Variants in SSC5D observed in about 807,000 individuals in gnomAD.
SSC5D encodes soluble scavenger receptor cysteine-rich domain-containing protein SSC5D.
SSC5D carries 106 observed loss-of-function variants against 104.6 expected under a neutral mutation model. The observed-to-expected ratio is 1.01, with a 90% CI of 0.87 to 1.19. SSC5D has a LOEUF of 1.19. Among genes scored for constraint, SSC5D ranks in the 50% most tolerant of loss-of-function variants. The pLI is 0.00. For missense variants in SSC5D, 1,993 were observed against 2,153.8 expected, an observed-to-expected ratio of 0.93 and a Z score of 1.48; for synonymous variants, 860 against 883.5, an observed-to-expected ratio of 0.97 and a Z score of 0.47.
rs182899416 is a variant in SSC5D at position 55,496,021 on chromosome 19, G to A, written c.1387+1238G>A. 1.3e-3 allele frequency among the ~76,000 whole-genome samples: 202 copies of A among 151,636 alleles called. 2 individuals carry two copies. Among genetic ancestry groups the A allele is most frequent in the African/African-American group, 4.6e-3 (188 of 41,292 alleles). Reference sequence around the variant, plus strand: ...CTCCCTAAGTGCTGGGATTATAGGCGTGAGCCACCCGGCCAGGTGCAGGGG... The same window carrying A: ...CTCCCTAAGTGCTGGGATTATAGGCATGAGCCACCCGGCCAGGTGCAGGGG... On this transcript the variant is annotated intron_variant, in intron 8 of 13. Coordinates refer to ENST00000389623, the MANE Select transcript of SSC5D (RefSeq NM_001144950.2).
intron 2 of SSC5D, 40 bp downstream of exon 2, chr19:55,489,072 C>CGGGCG: frequency 1.9e-6 from 2 of 1,061,860 alleles, no homozygotes; most frequent in Middle Eastern, 3.1e-4. Flanking sequence ...GCCCCCCCCC[C>CGGGCG]CAGGCCTCCC....
chr19:55,493,916 A>C lies in SSC5D; in HGVS notation c.1213+4A>C, dbSNP rs761740869. 7.8e-7 allele frequency: 1 copy of C among 1,274,266 alleles called. No individual in the cohort carries two copies. Among genetic ancestry groups the C allele is most frequent in the South Asian group, 1.3e-5 (1 of 79,488 alleles). 78.9% of individuals were successfully genotyped at this position (1,274,266 alleles called of 1,614,324 possible). ...GACGCCGGGGCCGTGTGTGACGGTG[A>C]GGGGGTTGTGGTGGAGGACCGGGAG... On this transcript the variant is annotated splice_donor_region_variant and intron_variant, in intron 7 of 13. Coordinates refer to ENST00000389623, the MANE Select transcript of SSC5D (RefSeq NM_001144950.2).
At chr19:55,501,261 G>C in intron 12 of SSC5D, 60 bp downstream of exon 12, 2 of 1,456,420 alleles carry the variant, frequency 1.4e-6, no homozygotes, top group South Asian at 1.5e-5. Flanking sequence ...TCGCTTCCCT[G>C]CAGGGTTTCC....
chr19:55,495,219 A>ATATATATG (rs1376040404), intron 8 of SSC5D, among the ~76,000 whole-genome samples: 35 of 14,894 alleles, frequency 2.3e-3, no homozygotes, highest in African/African-American at 9.5e-3. Context: ...CTCCTTTCAT[A>ATATATATG]TATATATATA....
chr19:55,508,058 C>T (rs1285670252), intron 12 of SSC5D, among the ~76,000 whole-genome samples: 2 of 152,162 alleles, frequency 1.3e-5, no homozygotes, highest in East Asian at 3.9e-4. Flanking sequence ...GGTCGGGGAG[C>T]TCTGTGAGGT....
chr19:55,505,893 C>T (rs1308871338), intron 12 of SSC5D, among the ~76,000 whole-genome samples: 1 of 151,664 alleles, frequency 6.6e-6, no homozygotes, highest in African/African-American at 2.4e-5. Flanking sequence ...TGTGCCACCA[C>T]TCCCGGCTAA....
chr19:55,497,814 T>C, intron 8 of SSC5D, 66 bp from the exon 9 acceptor site: 1 of 1,319,146 alleles, frequency 7.6e-7, no homozygotes, highest in Non-Finnish European at 9.8e-7. Context: ...GAGGGAAAGG[T>C]GGATGAAGAG....
At position 55,500,512 on chromosome 19, in the gene SSC5D, C is replaced by G; in HGVS notation, c.2325C>G (p.Ala775=). ...GESGLFRVRL[A]DGPNRCAGRL... ...CAGGCCTGTTCCGGGTTCGTCTGGC[C>G]GATGGGCCCAACCGCTGTGCTGGCC... Residue 775 remains alanine, a synonymous_variant, in exon 11 of 14, where the codon GCC becomes GCG. Transcript: ENST00000389623. This position sits in a 1 kb window ranked among gnomAD's most constrained non-coding sequence, Gnocchi z 4.6. 1.3e-6 allele frequency: 2 copies of G among 1,551,584 alleles called. No individual in the cohort carries two copies. The highest frequency in any genetic ancestry group is 8.7e-7 in the Non-Finnish European group (1 of 1,146,916).
rs1336528625 is a variant in SSC5D, at chr19:55,489,472, C to T, written c.171C>T (p.Ala57=). The T allele has an allele frequency of 6.8e-7, 1 of 1,473,760 alleles. No individual in the cohort carries two copies. The highest frequency in any genetic ancestry group is 2.6e-5 in the East Asian group (1 of 39,212). 91.3% of individuals were successfully genotyped at this position (1,473,760 alleles called of 1,614,324 possible). Residue 57 remains alanine (A), a synonymous_variant, in exon 3 of 14, where the codon GCC becomes GCT. Transcript: ENST00000389623. ...GGGACCTGCGCGATGCCGCCGTGGCCTGCCGGCAGCTGGGCTGCGGAGGGG... is the reference window on the plus strand; with the variant it reads ...GGGACCTGCGCGATGCCGCCGTGGCTTGCCGGCAGCTGGGCTGCGGAGGGG... ...DGWDLRDAAV[A]CRQLGCGGAL...
rs543662493 is a variant in SSC5D, at chr19:55,498,158, A to G, written c.1666A>G (p.Asn556Asp). 3 of 1,551,712 alleles carry G rather than the reference A, an allele frequency of 1.9e-6. No homozygotes were observed. In the African/African-American group the frequency reaches 4.1e-5, roughly 21 times the overall value. The change falls in exon 9 of 14, where the codon AAC (asparagine) becomes GAC (aspartate). Residue 556 changes from asparagine (N) to aspartate (D), a missense_variant. Physicochemically the swap from Asn to Asp is conservative, Grantham distance 23. Coordinates refer to ENST00000389623, the MANE Select transcript of SSC5D (RefSeq NM_001144950.2). ...CCCTGCTGCTCCCTGGGGAAAGCAC[A>G]ACTGCGCTCACAATGAGGATGTTGG... ...DCPAAPWGKH[N>D]CAHNEDVGVT...
rs529419796 is a variant in SSC5D, at chr19:55,508,862, G to T, written c.2786-4149G>T. Among the ~76,000 whole-genome samples, 8 of 42,946 alleles carry T rather than the reference G, an allele frequency of 1.9e-4. No homozygotes were observed. The South Asian group carries it at 5.5e-3, about 30-fold the overall frequency. The allele number at this position is 42,946 out of a possible 152,430, so 28.2% of individuals were successfully genotyped here. A position where few individuals can be genotyped will look rare whatever the true frequency, so the allele number is the denominator to read the frequency against. ...TGGCCTGTGGACTAACTCCTATACA[G>T]CAGGGATGGCCTCATCCACAGGGGA... On this transcript the variant is annotated intron_variant, in intron 12 of 13. Coordinates refer to ENST00000389623, the MANE Select transcript of SSC5D (RefSeq NM_001144950.2).
At chr19:55,502,259 A>G (rs1357305057) in intron 12 of SSC5D, among the ~76,000 whole-genome samples, 3 of 151,694 alleles carry the variant, frequency 2.0e-5, no homozygotes, top group African/African-American at 7.3e-5. Flanking sequence ...TCTCTGTGCC[A>G]ATCTCTTTTT....
intron 13 of SSC5D, among the ~76,000 whole-genome samples, chr19:55,514,472 G>T (rs1033450132): frequency 6.8e-6 from 1 of 146,118 alleles, no homozygotes; most frequent in Non-Finnish European, 1.5e-5. Flanking sequence ...GTGGTGGCAG[G>T]CGCCTGTAAT....
At chr19:55,491,175 C>G (rs1987134729) in intron 6 of SSC5D, 95 bp downstream of exon 6, 3 of 1,367,486 alleles carry the variant, frequency 2.2e-6, no homozygotes, top group Non-Finnish European at 2.9e-6. Flanking sequence ...GCTCCCAGCT[C>G]TGCCTCCTGC....
chr19:55,493,904 T>TGAC lies in SSC5D; in HGVS notation c.1206_1207insACG (p.Val402_Cys403insThr). 7.2e-7 allele frequency: 1 copy of TGAC among 1,384,118 alleles called. No homozygotes were observed. Among genetic ancestry groups the TGAC allele is most frequent in the Non-Finnish European group, 9.6e-7 (1 of 1,046,718 alleles). The allele number at this position is 1,384,118 out of a possible 1,614,324, so 85.7% of individuals were successfully genotyped here. A position where few individuals can be genotyped will look rare whatever the true frequency, so the allele number is the denominator to read the frequency against. On this transcript the variant is annotated inframe_insertion, in exon 7 of 14. Coordinates refer to ENST00000389623, the MANE Select transcript of SSC5D (RefSeq NM_001144950.2). ...CACCACCGCGAGGACGCCGGGGCCG[T>TGAC]GTGTGACGGTGAGGGGGTTGTGGTG...
At chr19:55,494,347 C>G (rs1039010829) in intron 7 of SSC5D, among the ~76,000 whole-genome samples, 2 of 151,668 alleles carry the variant, frequency 1.3e-5, no homozygotes, top group Non-Finnish European at 2.9e-5. Flanking sequence ...GCCTTCTCCT[C>G]TGCATAAGGT....
In SSC5D at chr19:55,494,791, C is replaced by A; in HGVS notation, c.1387+8C>A. On this transcript the variant is annotated splice_region_variant and intron_variant, in intron 8 of 13. Coordinates refer to ENST00000389623, the MANE Select transcript of SSC5D (RefSeq NM_001144950.2). Reference sequence around the variant, plus strand: ...AGCCTGGACCGGAAGCCGGTGAGTCCCTCCATGCTCCCCAAGAAAACAGGG... The same window carrying A: ...AGCCTGGACCGGAAGCCGGTGAGTCACTCCATGCTCCCCAAGAAAACAGGG... 2 of 1,528,978 alleles carry A rather than the reference C, an allele frequency of 1.3e-6. No individual in the cohort carries two copies. The highest frequency in any genetic ancestry group is 8.8e-7 in the Non-Finnish European group (1 of 1,132,860). The allele number at this position is 1,528,978 out of a possible 1,614,324, so 94.7% of individuals were successfully genotyped here.
At chr19:55,499,486 G>A (rs1291539918) in intron 9 of SSC5D, among the ~76,000 whole-genome samples, 1 of 152,144 alleles carries the variant, frequency 6.6e-6, no homozygotes, top group Non-Finnish European at 1.5e-5. Flanking sequence ...CCTGTCAGAA[G>A]GTATAGGAAA....
rs1307329314 is a variant in SSC5D at position 55,488,633 on chromosome 19, T to C, written c.25+19T>C. The C allele has an allele frequency of 5.8e-6, 9 of 1,549,118 alleles. No homozygotes were observed. The Admixed American group carries it at 9.8e-5, about 17-fold the overall frequency. On this transcript the variant is annotated intron_variant, in intron 1 of 13. Coordinates refer to ENST00000389623, the MANE Select transcript of SSC5D (RefSeq NM_001144950.2). ...CTCCTTGGTGAGTGATCCATTCTCC[T>C]TGGGGACTCGGGGGGCCTAGGCCCC... is the stretch of plus-strand genomic sequence containing the variant.
Sources: gnomAD v4.1 joint callset for allele counts (sites outside exome capture counted in the v4.1 genomes callset) on GRCh38, gnomAD v4.1.1 for gene constraint, Gnocchi (gnomAD v3.1) non-coding constraint, MANE v1.5 for transcripts, NCBI Gene and HGNC (gene_info 2026-07-23, HGNC 2026-07-21) for gene names.